Variants in MGST2 observed in about 807,000 individuals in gnomAD.
The protein encoded by MGST2 is microsomal glutathione S-transferase 2.
In MGST2, 9 loss-of-function variants were observed where a neutral mutation model predicts 16.6. The observed-to-expected ratio is 0.54, with a 90% CI of 0.33 to 0.95. The LOEUF (loss-of-function observed/expected upper bound fraction) is 0.95. Among genes scored for constraint, MGST2 ranks in the 40% least tolerant of loss-of-function variants. The pLI, the probability that MGST2 is intolerant of heterozygous loss-of-function variation, is 0.03. For missense variants in MGST2, 159 were observed against 175.1 expected (o/e 0.91, Z 0.52); for synonymous variants, 79 against 68.0 (o/e 1.16, Z -0.79).
chr4:139,693,404 CAA>C (rs55723907), intron 2 of MGST2, among the ~76,000 whole-genome samples: 41 of 66,796 alleles, frequency 6.1e-4, no homozygotes, highest in East Asian at 6.0e-3. Context: ...GACTACGTCT[CAA>C]AAAAAAAAAA....
chr4:139,701,361 A>G (rs559222804), intron 3 of MGST2, among the ~76,000 whole-genome samples: 35 of 152,108 alleles, frequency 2.3e-4, no homozygotes, highest in Non-Finnish European at 4.6e-4. Flanking sequence ...TGGCTTCCTC[A>G]GACCCTGGGA....
chr4:139,739,679 G>GTTTT (rs1553952725), intron 5 of MGST2, among the ~76,000 whole-genome samples: 23 of 132,246 alleles, frequency 1.7e-4, no homozygotes, highest in East Asian at 4.6e-4. Flanking sequence ...GAGGAAAGCA[G>GTTTT]TTTTTTTTTT....
Position 139,735,469 on chromosome 4 carries a change from C to CGG in MGST2, c.*49-4736_*49-4735dup. On this transcript the variant is annotated intron_variant, in intron 5 of 5. Transcript: ENST00000616265. The surrounding 1 kb of genome is among the most constrained non-coding windows in gnomAD (Gnocchi z 5.8). ...GGGGTAGGGGGGCAGTGGCGACCTC[C>CGG]GGGGGGGGAGGGTGGCGGACACCAG... 1.3e-5 allele frequency among the ~76,000 whole-genome samples: 1 copy of CGG among 79,176 alleles called. No homozygotes were observed. The highest frequency in any genetic ancestry group is 2.7e-5 in the Non-Finnish European group (1 of 37,530). The allele number at this position is 79,176 out of a possible 152,430, so 51.9% of individuals were successfully genotyped here.
At chr4:139,723,563 C>T (rs752924821) in intron 5 of MGST2, among the ~76,000 whole-genome samples, 6 of 152,160 alleles carry the variant, frequency 3.9e-5, no homozygotes, top group Non-Finnish European at 7.4e-5. Context: ...CTGCCCGCCT[C>T]GGCCTCCCAA....
At position 139,703,527 on chromosome 4, in the gene MGST2, C is replaced by A; in HGVS notation, c.302C>A (p.Ala101Asp). 3 of 1,613,688 alleles carry A rather than the reference C, an allele frequency of 1.9e-6. No homozygotes were observed. Among genetic ancestry groups the A allele is most frequent in the Non-Finnish European group, 2.5e-6 (3 of 1,179,792 alleles). ...TACTTCTGGGGATATTCAGAAGCTG[C>A]TAAAAAACGGTAAGGAGAACCCAGT... ...HLYFWGYSEA[A>D]KKRITGFRLS... Residue 101 changes from alanine (A) to aspartate (D), a missense_variant, in exon 4 of 5, where the codon GCT becomes GAT. Transcript: ENST00000265498.
In MGST2 at chr4:139,735,460, G is replaced by A; in HGVS notation, c.*49-4752G>A. On this transcript the variant is annotated intron_variant, in intron 5 of 5. Coordinates refer to the MGST2 transcript ENST00000616265. The surrounding 1 kb of genome is among the most constrained non-coding windows in gnomAD (Gnocchi z 5.8). The stretch of plus-strand genomic sequence containing the variant: ...GCTGGGAGTGGGGTAGGGGGGCAGT[G>A]GCGACCTCCGGGGGGGGAGGGTGGC... 6.6e-6 allele frequency among the ~76,000 whole-genome samples: 1 copy of A among 151,444 alleles called. No homozygotes were observed. Among genetic ancestry groups the A allele is most frequent in the Non-Finnish European group, 1.5e-5 (1 of 67,768 alleles).
At chr4:139,677,226 C>T (rs766636411) in intron 1 of MGST2, among the ~76,000 whole-genome samples, 4 of 151,696 alleles carry the variant, frequency 2.6e-5, no homozygotes, top group East Asian at 1.9e-4. Flanking sequence ...AGGACATGCC[C>T]GTGACATAAA....
intron 2 of MGST2, among the ~76,000 whole-genome samples, chr4:139,679,700 C>G (rs8192066): frequency 0.023 from 3,546 of 152,138 alleles, 128 homozygotes; most frequent in African/African-American, 0.079. Context: ...ACAGACTACT[C>G]CCTAGGCTTG....
At chr4:139,681,531 A>G (rs1681288099) in intron 2 of MGST2, among the ~76,000 whole-genome samples, 1 of 152,160 alleles carries the variant, frequency 6.6e-6, no homozygotes, top group African/African-American at 2.4e-5. Flanking sequence ...GAGATATCAT[A>G]ATTTTAATTT....
intron 3 of MGST2, among the ~76,000 whole-genome samples, chr4:139,696,875 A>G (rs1579322589): frequency 6.6e-6 from 1 of 152,142 alleles, no homozygotes; most frequent in African/African-American, 2.4e-5. Context: ...ACCTTGTATC[A>G]TGAGCCTTAA....
chr4:139,665,841 C>T lies in MGST2; in HGVS notation c.-179C>T, dbSNP rs1239462039. ...CCCATAAAGATCTGTGACCGGCAGC[C>T]CCAGACCTGCCTGCCTTCCTGACTT... On this transcript the variant is annotated 5_prime_UTR_variant, in exon 1 of 5. Transcript: ENST00000265498. 9 of 689,470 alleles carry T rather than the reference C, an allele frequency of 1.3e-5. No individual in the cohort carries two copies. In the African/African-American group the frequency reaches 1.4e-4, roughly 11 times the overall value. 42.7% of individuals were successfully genotyped at this position (689,470 alleles called of 1,614,324 possible).
chr4:139,677,427 G>A (rs1318062832), intron 1 of MGST2, among the ~76,000 whole-genome samples: 1 of 152,094 alleles, frequency 6.6e-6, no homozygotes, highest in Non-Finnish European at 1.5e-5. Flanking sequence ...ATAGATAAGA[G>A]ATAAAGGTTA....
chr4:139,696,253 C>T (rs925348166), intron 3 of MGST2, among the ~76,000 whole-genome samples: 2 of 152,014 alleles, frequency 1.3e-5, no homozygotes, highest in East Asian at 1.9e-4. Flanking sequence ...AATTGGCAGG[C>T]GCAGTAGGTA....
chr4:139,752,675 C>T, the MGST2 span, among the ~76,000 whole-genome samples: 1 of 152,160 alleles, frequency 6.6e-6, no homozygotes, highest in Non-Finnish European at 1.5e-5. Flanking sequence ...AGCATTTATA[C>T]ATATTTCTCC....
rs1728924869 is a variant in MGST2, at chr4:139,735,939, C to T, written c.*49-4273C>T. On this transcript the variant is annotated intron_variant, in intron 5 of 5. Coordinates refer to the MGST2 transcript ENST00000616265. This position sits in a 1 kb window ranked among gnomAD's most constrained non-coding sequence, Gnocchi z 5.8. ...CGCCGCTCGGGAGCCCGCGAGGCTG[C>T]GGTGTGCTCCAGCGGGCGCATTTCC... is the stretch of plus-strand genomic sequence containing the variant. 6.6e-6 allele frequency among the ~76,000 whole-genome samples: 1 copy of T among 152,078 alleles called. No homozygotes were observed. Among genetic ancestry groups the T allele is most frequent in the South Asian group, 2.1e-4 (1 of 4,834 alleles).
intron 3 of MGST2, among the ~76,000 whole-genome samples, chr4:139,696,142 T>C (rs1726907657): frequency 1.3e-5 from 2 of 152,198 alleles, no homozygotes; most frequent in South Asian, 4.1e-4. Context: ...CCTCATCATT[T>C]TCACGTTGAG....
exon 6 of MGST2, chr4:139,740,498 G>C (rs1055083108): frequency 6.6e-6 from 1 of 152,158 alleles, no homozygotes; most frequent in African/African-American, 2.4e-5. Flanking sequence ...AAAATAGGGA[G>C]GGGGAGCAGT....
intron 2 of MGST2, chr4:139,685,424 T>G (rs1731507690): frequency 6.4e-6 from 1 of 155,300 alleles, no homozygotes; most frequent in South Asian, 2.1e-4. Flanking sequence ...TTACCCTCAC[T>G]TCCTCTCTTT....
intron 2 of MGST2, among the ~76,000 whole-genome samples, chr4:139,691,022 C>T (rs892137807): frequency 1.3e-5 from 2 of 152,184 alleles, no homozygotes; most frequent in Non-Finnish European, 2.9e-5. Context: ...GCTCCATGTC[C>T]CCCTAAATTC....
Sources: gnomAD v4.1 joint callset for allele counts (sites outside exome capture counted in the v4.1 genomes callset) on GRCh38, gnomAD v4.1.1 for gene constraint, Gnocchi (gnomAD v3.1) non-coding constraint, MANE v1.5 for transcripts, NCBI Gene and HGNC (gene_info 2026-07-23, HGNC 2026-07-21) for gene names.